Variants in AGO2 observed in about 807,000 individuals in gnomAD.
AGO2 encodes the protein argonaute RISC catalytic component 2.
A neutral mutation model predicts 102.3 loss-of-function variants in AGO2; 5 were observed. That is an observed-to-expected ratio of 0.05 (90% CI 0.03 to 0.10). The LOEUF is 0.10. Ranked by LOEUF, AGO2 falls within the 10% of genes least tolerant of loss-of-function variation. AGO2 has a pLI of 1.00. For synonymous variants in AGO2, 449 were observed against 473.1 expected (o/e 0.95, Z 0.66); for missense variants, 541 against 1,183.7 (o/e 0.46, Z 7.97).
chr8:140,582,277 T>C (rs1242829116), intron 2 of AGO2, among the ~76,000 whole-genome samples: 1 of 152,020 alleles, frequency 6.6e-6, no homozygotes, highest in Non-Finnish European at 1.5e-5. Context: ...CAGAAATAGA[T>C]CCACCCACAT....
chr8:140,639,374 G>A (rs1172726397), upstream of AGO2, among the ~76,000 whole-genome samples: 6 of 151,752 alleles, frequency 4.0e-5, no homozygotes, highest in South Asian at 2.1e-4. Context: ...CCAGCTACTC[G>A]GGAGGCTGAG....
intron 1 of AGO2, among the ~76,000 whole-genome samples, chr8:140,595,841 AT>A (rs2073825731): frequency 1.8e-5 from 2 of 111,888 alleles, no homozygotes; most frequent in Non-Finnish European, 3.4e-5. Flanking sequence ...ATACAATTGT[AT>A]ATATTATATT....
At chr8:140,629,754 G>C (rs1013592530) in intron 1 of AGO2, among the ~76,000 whole-genome samples, 4 of 151,642 alleles carry the variant, frequency 2.6e-5, no homozygotes, top group Non-Finnish European at 5.9e-5. Flanking sequence ...GTGGAGCTCC[G>C]GAGCCCGGGG....
chr8:140,546,550 T>C (rs530055387), intron 13 of AGO2, among the ~76,000 whole-genome samples: 2 of 152,316 alleles, frequency 1.3e-5, no homozygotes, highest in South Asian at 4.1e-4. Context: ...CAGTTCGATT[T>C]AGGATTCTTA....
intron 10 of AGO2, among the ~76,000 whole-genome samples, chr8:140,553,109 C>T (rs1588450567): frequency 6.6e-6 from 1 of 152,320 alleles, no homozygotes; most frequent in East Asian, 1.9e-4. Flanking sequence ...AGAAGCATTA[C>T]ACGCTCAGTC....
At position 140,522,106 on chromosome 8, in the gene AGO2, C is replaced by T. The variant is rs1247677306; in HGVS notation, c.*9938G>A. 1 of 151,776 alleles carries T rather than the reference C, an allele frequency of 6.6e-6. No homozygotes were observed. The highest frequency in any genetic ancestry group is 1.5e-5 in the Non-Finnish European group (1 of 67,956). The allele number at this position is 151,776 out of a possible 1,614,324, so 9.4% of individuals were successfully genotyped here. A position where few individuals can be genotyped will look rare whatever the true frequency, so the allele number is the denominator to read the frequency against. On this transcript the variant is annotated 3_prime_UTR_variant, in exon 19 of 19. Transcript: ENST00000220592. ...TTCCATGACCAATTGGACTTTTCTC[C>T]CACCTGTAATATAAATAAAATATGT...
chr8:140,613,549 G>A (rs1293662227), intron 1 of AGO2, among the ~76,000 whole-genome samples: 5 of 152,148 alleles, frequency 3.3e-5, no homozygotes, highest in Admixed American at 6.5e-5. Context: ...AAGAGCTGCC[G>A]TCTGAATGTC....
chr8:140,584,075 T>G (rs954841184), intron 2 of AGO2, among the ~76,000 whole-genome samples: 1 of 147,440 alleles, frequency 6.8e-6, no homozygotes, highest in Non-Finnish European at 1.5e-5. Flanking sequence ...ACAAATGCAA[T>G]GTACATCTAG....
chr8:140,568,405 GA>G lies in AGO2; in HGVS notation c.336+4406del, dbSNP rs544258167. The stretch of plus-strand genomic sequence containing the variant: ...ACTCAGCTTGGCTATGGCCCTGGCT[GA>G]GCCCACGGCCTCCCTGTCCACTGCT... On this transcript the variant is annotated intron_variant, in intron 3 of 18. Transcript: ENST00000220592. 1.5e-4 allele frequency among the ~76,000 whole-genome samples: 23 copies of G among 152,256 alleles called. No homozygotes were observed. In the South Asian group the frequency reaches 2.9e-3, roughly 19 times the overall value.
At chr8:140,588,589 AGGCAGG>A (rs2073697405) in intron 1 of AGO2, among the ~76,000 whole-genome samples, 1 of 111,494 alleles carries the variant, frequency 9.0e-6, no homozygotes, top group Non-Finnish European at 1.7e-5. Context: ...TAAAGAAGGG[AGGCAGG>A]GAGAGAGGGA....
chr8:140,601,215 G>A (rs1371604055), intron 1 of AGO2, among the ~76,000 whole-genome samples: 1 of 152,198 alleles, frequency 6.6e-6, no homozygotes, highest in African/African-American at 2.4e-5. Flanking sequence ...TCCTGCCCCA[G>A]GGCCTTTGCA....
At chr8:140,630,324 C>A (rs1016280123) in intron 1 of AGO2, among the ~76,000 whole-genome samples, 2 of 152,190 alleles carry the variant, frequency 1.3e-5, no homozygotes, top group African/African-American at 2.4e-5. Flanking sequence ...GTGCCCACTG[C>A]CCTGGAGGAA....
At chr8:140,574,419 G>A (rs908389865) in intron 2 of AGO2, among the ~76,000 whole-genome samples, 6 of 152,040 alleles carry the variant, frequency 3.9e-5, no homozygotes, top group African/African-American at 1.4e-4. Flanking sequence ...AGGCCACTAT[G>A]CCCAGTTAAT....
chr8:140,634,980 C>A (rs1157959453), intron 1 of AGO2, among the ~76,000 whole-genome samples: 3 of 151,768 alleles, frequency 2.0e-5, no homozygotes, highest in African/African-American at 4.8e-5. Context: ...CCCTCCCGCC[C>A]GTGCGCGCCC....
intron 14 of AGO2, among the ~76,000 whole-genome samples, chr8:140,542,719 T>C (rs1041552667): frequency 2.0e-5 from 3 of 152,240 alleles, no homozygotes; most frequent in Non-Finnish European, 2.9e-5. Flanking sequence ...TGCTGCGGGC[T>C]TTCCCCAGCT....
intron 10 of AGO2, among the ~76,000 whole-genome samples, chr8:140,554,179 C>T (rs2073053965): frequency 6.6e-6 from 1 of 152,268 alleles, no homozygotes; most frequent in South Asian, 2.1e-4. Flanking sequence ...AGGGGCCAGG[C>T]ACTCCTCTTG....
intron 1 of AGO2, among the ~76,000 whole-genome samples, chr8:140,624,302 G>A (rs1229965330): frequency 6.6e-6 from 1 of 152,188 alleles, no homozygotes; most frequent in East Asian, 1.9e-4. Context: ...AAACAGCCAA[G>A]CAGGGCGAGT....
chr8:140,607,279 AGCCAGTT>A (rs2074009794), intron 1 of AGO2, among the ~76,000 whole-genome samples: 1 of 151,424 alleles, frequency 6.6e-6, no homozygotes. Context: ...TTTAAAAATG[AGCCAGTT>A]GCAATGGTGT....
chr8:140,616,301 T>C (rs2074142131), intron 1 of AGO2, among the ~76,000 whole-genome samples: 1 of 152,224 alleles, frequency 6.6e-6, no homozygotes, highest in Non-Finnish European at 1.5e-5. Flanking sequence ...GCCACCCACT[T>C]ACACAGCCAT....
Sources: gnomAD v4.1 joint callset for allele counts (sites outside exome capture counted in the v4.1 genomes callset) on GRCh38, gnomAD v4.1.1 for gene constraint, MANE v1.5 for transcripts, NCBI Gene and HGNC (gene_info 2026-07-23, HGNC 2026-07-21) for gene names.